Variants in STPG2 observed in about 807,000 individuals in gnomAD.
The protein encoded by STPG2 is sperm-tail PG-rich repeat-containing protein 2.
Under a neutral mutation model 54.2 loss-of-function variants are expected in STPG2, and 56 were observed. The ratio of observed to expected loss-of-function variants is 1.03; its 90% CI spans 0.83 to 1.29. The LOEUF is 1.29. STPG2 is among the 50% of genes most tolerant of loss of function. The probability of loss-of-function intolerance (pLI) is 0.00; values close to 1 mark genes in which losing one functional copy is unlikely to be tolerated. For synonymous variants in STPG2, 200 were observed against 181.8 expected (o/e 1.10, Z -0.81); for missense variants, 596 against 544.9 (o/e 1.09, Z -0.93).
At chr4:97,963,342 A>C (rs1733962475) in intron 7 of STPG2, among the ~76,000 whole-genome samples, 1 of 152,084 alleles carries the variant, frequency 6.6e-6, no homozygotes, top group African/African-American at 2.4e-5. Context: ...TAGTTAATAA[A>C]TTTAATATTA....
chr4:97,561,158 T>C (rs935041842), intron 10 of STPG2, among the ~76,000 whole-genome samples: 4 of 152,174 alleles, frequency 2.6e-5, no homozygotes, highest in African/African-American at 9.6e-5. Flanking sequence ...TGGTGTGAGA[T>C]GGTATCTCAT....
intron 8 of STPG2, among the ~76,000 whole-genome samples, chr4:97,913,487 C>T (rs1282616170): frequency 6.6e-6 from 1 of 152,160 alleles, no homozygotes; most frequent in Non-Finnish European, 1.5e-5. Context: ...AGGCTATAGA[C>T]ATAAATAACT....
chr4:97,861,661 G>C lies in STPG2; in HGVS notation c.1045-20729C>G, dbSNP rs1267390068. Among the ~76,000 whole-genome samples, 3 of 152,150 alleles carry C rather than the reference G, an allele frequency of 2.0e-5. No homozygotes were observed. The East Asian group carries it at 5.8e-4, about 29-fold the overall frequency. ...TGAAATGAAGAAAAAAATGTTAAGG[G>C]CAGCCAGAGAGAAAGGTCGGGTTAC... is the stretch of plus-strand genomic sequence containing the variant. On this transcript the variant is annotated intron_variant, in intron 8 of 10. Transcript: ENST00000295268.
At chr4:97,807,366 T>C (rs1727600996) in intron 9 of STPG2, among the ~76,000 whole-genome samples, 1 of 152,016 alleles carries the variant, frequency 6.6e-6, no homozygotes, top group South Asian at 2.1e-4. Context: ...TTACTTCCTT[T>C]ACATACCACA....
chr4:97,479,110 C>T (rs1442752706), intron 4 of STPG2, among the ~76,000 whole-genome samples: 1 of 151,462 alleles, frequency 6.6e-6, no homozygotes, highest in Non-Finnish European at 1.5e-5. Context: ...ATATACATAG[C>T]AGAATATGTG....
intron 8 of STPG2, among the ~76,000 whole-genome samples, chr4:97,931,074 G>A (rs1813642): frequency 0.4 from 60,666 of 151,962 alleles, 12,275 homozygotes; most frequent in Middle Eastern, 0.46. Context: ...TAGCTGAAGG[G>A]GCTTTTGGGC....
At chr4:97,885,477 G>C (rs1487104437) in intron 8 of STPG2, among the ~76,000 whole-genome samples, 1 of 152,144 alleles carries the variant, frequency 6.6e-6, no homozygotes, top group Non-Finnish European at 1.5e-5. Context: ...TTCCAACCTA[G>C]TAGAAAATAT....
At chr4:97,885,232 G>A (rs2149168942) in intron 8 of STPG2, among the ~76,000 whole-genome samples, 1 of 152,288 alleles carries the variant, frequency 6.6e-6, no homozygotes, top group East Asian at 1.9e-4. Flanking sequence ...AGTTGGTGAA[G>A]ATACCAGAAC....
At chr4:97,765,794 T>G (rs1475682406) in intron 9 of STPG2, among the ~76,000 whole-genome samples, 1 of 152,120 alleles carries the variant, frequency 6.6e-6, no homozygotes, top group South Asian at 2.1e-4. Context: ...TTAGGAATAG[T>G]TGAAGGAACT....
chr4:97,455,881 A>G (rs1729503971), intron 4 of STPG2, among the ~76,000 whole-genome samples: 1 of 152,146 alleles, frequency 6.6e-6, no homozygotes. Context: ...CAACCTGCCC[A>G]TCTACATTCT....
chr4:97,810,922 G>T (rs1414995735), intron 9 of STPG2, among the ~76,000 whole-genome samples: 1 of 152,052 alleles, frequency 6.6e-6, no homozygotes, highest in African/African-American at 2.4e-5. Context: ...GTAAATGGTG[G>T]CATAAAACAC....
intron 5 of STPG2, among the ~76,000 whole-genome samples, chr4:97,991,589 C>A (rs1374346033): frequency 1.3e-5 from 2 of 151,842 alleles, no homozygotes; most frequent in Non-Finnish European, 2.9e-5. Flanking sequence ...CTTTTTCGTA[C>A]AATGACTGAT....
intron 9 of STPG2, among the ~76,000 whole-genome samples, chr4:97,728,757 A>T (rs1310743952): frequency 6.6e-6 from 1 of 152,088 alleles, no homozygotes; most frequent in Non-Finnish European, 1.5e-5. Context: ...CACTCAGAAG[A>T]TCCTATAGAA....
At chr4:98,133,017 T>A (rs1295877629) in intron 2 of STPG2, among the ~76,000 whole-genome samples, 1 of 151,834 alleles carries the variant, frequency 6.6e-6, no homozygotes, top group East Asian at 1.9e-4. Context: ...TTCAAGGTTG[T>A]TTAGTGTTAA....
chr4:97,517,380 T>G (rs1320472635), intron 4 of STPG2, among the ~76,000 whole-genome samples: 1 of 152,074 alleles, frequency 6.6e-6, no homozygotes, highest in Non-Finnish European at 1.5e-5. Flanking sequence ...TTCTGGACAT[T>G]GACATTAATT....
chr4:97,974,705 T>G (rs768508041), intron 6 of STPG2, among the ~76,000 whole-genome samples: 2 of 152,314 alleles, frequency 1.3e-5, no homozygotes, highest in Middle Eastern at 3.4e-3. Context: ...CCATGTGAGA[T>G]GTGCCTTTTA....
chr4:97,839,296 C>T (rs1728723344), intron 9 of STPG2, among the ~76,000 whole-genome samples: 1 of 151,488 alleles, frequency 6.6e-6, no homozygotes, highest in South Asian at 2.1e-4. Flanking sequence ...ACTAATGAAA[C>T]AATTAGCTAA....
intron 9 of STPG2, among the ~76,000 whole-genome samples, chr4:97,739,292 C>A (rs1191706164): frequency 3.3e-5 from 5 of 151,988 alleles, no homozygotes; most frequent in Non-Finnish European, 7.4e-5. Flanking sequence ...CCTAACATCA[C>A]AATTAAAAGA....
chr4:97,602,433 T>C (rs1285077077), intron 10 of STPG2, among the ~76,000 whole-genome samples: 1 of 151,810 alleles, frequency 6.6e-6, no homozygotes, highest in Non-Finnish European at 1.5e-5. Context: ...TTCTTACTGC[T>C]CAAGATAGTG....
Sources: gnomAD v4.1 joint callset for allele counts (sites outside exome capture counted in the v4.1 genomes callset) on GRCh38, gnomAD v4.1.1 for gene constraint, MANE v1.5 for transcripts, NCBI Gene and HGNC (gene_info 2026-07-23, HGNC 2026-07-21) for gene names.